HTRA3: variants seen among roughly 807,000 people sequenced by gnomAD.
HTRA3 encodes the protein serine protease HTRA3.
HTRA3 carries 41 observed loss-of-function variants against 43.2 expected under a neutral mutation model. The ratio of observed to expected loss-of-function variants is 0.95; its 90% CI spans 0.74 to 1.23. HTRA3 has a LOEUF of 1.23. Ranked by LOEUF, HTRA3 falls within the 50% of genes most tolerant of loss-of-function variation. HTRA3 has a pLI of 0.00. For missense variants in HTRA3, 628 were observed against 647.1 expected, an observed-to-expected ratio of 0.97 and a Z score of 0.32; for synonymous variants, 295 against 287.9, an observed-to-expected ratio of 1.02 and a Z score of -0.25.
At position 8,306,273 on chromosome 4, in the gene HTRA3, A is replaced by G. The variant is rs115308275; in HGVS notation, c.*137A>G. 3,795 of 962,178 alleles carry G rather than the reference A, an allele frequency of 3.9e-3. 91 individuals carry two copies. In the African/African-American group the frequency reaches 0.057, roughly 14 times the overall value. 59.6% of individuals were successfully genotyped at this position (962,178 alleles called of 1,614,324 possible). On this transcript the variant is annotated 3_prime_UTR_variant, in exon 9 of 9. Transcript: ENST00000307358. This position sits in a 1 kb window ranked among gnomAD's most constrained non-coding sequence, Gnocchi z 8.9. Reference sequence around the variant, plus strand: ...CTCCTGGCTGTCCGGGGCAGAGCGGAGGCTGGGCTTGGCCAGGGGCCCGAA... The same window carrying G: ...CTCCTGGCTGTCCGGGGCAGAGCGGGGGCTGGGCTTGGCCAGGGGCCCGAA...
chr4:8,282,586 AC>A lies in HTRA3; in HGVS notation c.485+53del, dbSNP rs758665867. Reference sequence around the variant, plus strand: ...TCTGCCTCCTGGTGTCCCCTGGTACACCCGCCAGCTGCTGGGGCCCAAACCA... The same window carrying A: ...TCTGCCTCCTGGTGTCCCCTGGTACACCGCCAGCTGCTGGGGCCCAAACCA... On this transcript the variant is annotated intron_variant, in intron 2 of 8. Coordinates refer to ENST00000307358, the MANE Select transcript of HTRA3 (RefSeq NM_053044.5). 9 of 1,395,460 alleles carry A rather than the reference AC, an allele frequency of 6.4e-6. No individual in the cohort carries two copies. The South Asian group carries it at 9.5e-5, about 15-fold the overall frequency. 86.4% of individuals were successfully genotyped at this position (1,395,460 alleles called of 1,614,324 possible).
intron 1 of HTRA3, 67 bp from the exon 2 acceptor site, chr4:8,282,370 C>A: frequency 8.0e-7 from 1 of 1,249,494 alleles, no homozygotes; most frequent in Non-Finnish European, 1.1e-6. Context: ...GCCCACTGGG[C>A]ATAGGCCTCT....
chr4:8,304,187 G>A lies in HTRA3; in HGVS notation c.1104G>A (p.Leu368=), dbSNP rs761139127. 3 of 1,613,722 alleles carry A rather than the reference G, an allele frequency of 1.9e-6. No homozygotes were observed. In the East Asian group the frequency reaches 6.7e-5, roughly 36 times the overall value. ...GIRMRTITPS[L]VDELKASNPD... is the part of the protein sequence containing the mutation. ...CTTGACGGCAGACTCTTTCCAGCCT[G>A]GTGGATGAGCTGAAGGCCAGCAACC... The change falls in exon 8 of 9, where the codon CTG becomes CTA. Residue 368 remains leucine (L), a synonymous_variant. Transcript: ENST00000307358.
chr4:8,293,351 T>C lies in HTRA3; in HGVS notation c.937-736T>C, dbSNP rs1044417620. On this transcript the variant is annotated intron_variant, in intron 5 of 8. Coordinates refer to ENST00000307358, the MANE Select transcript of HTRA3 (RefSeq NM_053044.5). ...GGCCGAGGGTGGACACAGAACTCAATCTACTGGATCTCACACTCGGATGCT... is the reference window on the plus strand; with the variant it reads ...GGCCGAGGGTGGACACAGAACTCAACCTACTGGATCTCACACTCGGATGCT... Among the ~76,000 whole-genome samples, 4 of 152,174 alleles carry C rather than the reference T, an allele frequency of 2.6e-5. No individual in the cohort carries two copies. In the East Asian group the frequency reaches 7.7e-4, roughly 29 times the overall value.
rs145508993 is a variant in HTRA3 at position 8,304,262 on chromosome 4, G to A, written c.1179G>A (p.Pro393=). Residue 393 remains proline, a synonymous_variant, in exon 8 of 9, where the codon CCG becomes CCA. Transcript: ENST00000307358. ...SSGIYVQEVA[P]NSPSQRGGIQ... Reference sequence around the variant, plus strand: ...GAATTTATGTGCAAGAGGTTGCGCCGAATTCACCTTCTCAGAGGTAGGCTC... The same window carrying A: ...GAATTTATGTGCAAGAGGTTGCGCCAAATTCACCTTCTCAGAGGTAGGCTC... 4.3e-6 allele frequency: 7 copies of A among 1,614,014 alleles called. No individual in the cohort carries two copies. The highest frequency in any genetic ancestry group is 2.2e-5 in the East Asian group (1 of 44,886).
At chr4:8,291,242 C>A in intron 3 of HTRA3, 128 bp from the exon 4 acceptor site, 1 of 794,816 alleles carries the variant, frequency 1.3e-6, no homozygotes, top group Non-Finnish European at 2.1e-6. Context: ...TGAGCCTTCA[C>A]AGTCCTGGTG....
In HTRA3 at chr4:8,291,527, C is replaced by G. The variant is rs760837932; in HGVS notation, c.866C>G (p.Ser289Cys). ...REGRELGLRD[S>C]DMDYIQTDAI... ...GGCAGGGAGCTGGGCCTCCGGGACT[C>G]CGACATGGACTACATCCAGACGGAT... Residue 289 changes from serine (S) to cysteine (C), a missense_variant, in exon 4 of 9, where the codon TCC (serine) becomes TGC (cysteine). By Grantham distance (112) the Ser-to-Cys change is moderately radical (BLOSUM62 -1). Coordinates refer to ENST00000307358, the MANE Select transcript of HTRA3 (RefSeq NM_053044.5). 10 of 1,609,890 alleles carry G rather than the reference C, an allele frequency of 6.2e-6. No individual in the cohort carries two copies. The highest frequency in any genetic ancestry group is 1.3e-5 in the African/African-American group (1 of 74,838).
At chr4:8,301,524 A>C (rs1339663058) in intron 6 of HTRA3, among the ~76,000 whole-genome samples, 1 of 152,122 alleles carries the variant, frequency 6.6e-6, no homozygotes, top group Admixed American at 6.5e-5. Flanking sequence ...TTATTAATTC[A>C]CACTCAACTT....
intron 1 of HTRA3, among the ~76,000 whole-genome samples, chr4:8,270,758 C>G (rs1043423419): frequency 5.3e-5 from 8 of 152,170 alleles, no homozygotes; most frequent in African/African-American, 1.9e-4. Flanking sequence ...GTGATGCCTT[C>G]TTTCCTGGAG....
chr4:8,271,161 G>A (rs1578783809), intron 1 of HTRA3, among the ~76,000 whole-genome samples: 1 of 152,150 alleles, frequency 6.6e-6, no homozygotes, highest in Non-Finnish European at 1.5e-5. Context: ...GCTCCGTGGA[G>A]CCTCAGGAGC....
At chr4:8,299,990 C>T (rs950141590) in intron 6 of HTRA3, among the ~76,000 whole-genome samples, 1 of 152,060 alleles carries the variant, frequency 6.6e-6, no homozygotes, top group South Asian at 2.1e-4. Context: ...TAGGTGCCCA[C>T]GATCATGCCC....
intron 8 of HTRA3, 35 bp from the exon 9 acceptor site, chr4:8,305,936 G>A (rs1321579269): frequency 2.5e-6 from 4 of 1,610,540 alleles, no homozygotes; most frequent in Admixed American, 3.3e-5. Context: ...GCCTGGGGAG[G>A]CGGTGGGTGG....
At chr4:8,283,315 C>G (rs1053545154) in intron 2 of HTRA3, among the ~76,000 whole-genome samples, 4 of 152,206 alleles carry the variant, frequency 2.6e-5, no homozygotes, top group Non-Finnish European at 4.4e-5. Flanking sequence ...AGCAAGGCCT[C>G]TCCTTGCAGA....
rs758499193 is a variant in HTRA3, at chr4:8,286,634, A to G, written c.559A>G (p.Ile187Val). The G allele has an allele frequency of 4.3e-6, 7 of 1,614,150 alleles. No homozygotes were observed. The highest frequency in any genetic ancestry group is 2.7e-5 in the African/African-American group (2 of 75,034). ...GFIMSEAGLI[I>V]TNAHVVSSNS... is the part of the protein sequence containing the mutation. ...CATCATGTCAGAGGCCGGCCTGATCATCACCAATGCCCACGTGGTGTCCAG... is the reference window on the plus strand; with the variant it reads ...CATCATGTCAGAGGCCGGCCTGATCGTCACCAATGCCCACGTGGTGTCCAG... Residue 187 changes from isoleucine to valine, a missense_variant, in exon 3 of 9, where the codon ATC (isoleucine) becomes GTC (valine). Ile to Val is a conservative substitution (Grantham distance 29, BLOSUM62 3). Coordinates refer to ENST00000307358, the MANE Select transcript of HTRA3 (RefSeq NM_053044.5). This position sits in a 1 kb window ranked among gnomAD's most constrained non-coding sequence, Gnocchi z 4.9.
intron 2 of HTRA3, 150 bp downstream of exon 2, chr4:8,282,686 G>T: frequency 1.5e-6 from 1 of 650,604 alleles, no homozygotes; most frequent in East Asian, 2.8e-5. Context: ...ACATCTGCTG[G>T]CTGCCTGTGT....
chr4:8,272,409 G>A (rs1323413666), intron 1 of HTRA3, among the ~76,000 whole-genome samples: 2 of 140,118 alleles, frequency 1.4e-5, no homozygotes, highest in Admixed American at 1.4e-4. Flanking sequence ...AGCGTGGGGG[G>A]TCATGGGCTG....
rs779264866 is a variant in HTRA3 at position 8,270,103 on chromosome 4, C to T, written c.135C>T (p.Pro45=). ...CCCGCTGCCCCGGCGGCTACGTGCC[C>T]GACCTCTGCAACTGCTGCCTGGTGT... ...PSPRCPGGYV[P]DLCNCCLVCA... is the part of the protein sequence containing the mutation. The change falls in exon 1 of 9, where the codon CCC becomes CCT. Residue 45 remains proline (P), a synonymous_variant. Transcript: ENST00000307358. The T allele has an allele frequency of 6.5e-7, 1 of 1,540,192 alleles. No individual in the cohort carries two copies. Among genetic ancestry groups the T allele is most frequent in the African/African-American group, 1.4e-5 (1 of 70,248 alleles).
chr4:8,294,699 T>C, intron 6 of HTRA3, among the ~76,000 whole-genome samples: 1 of 132,320 alleles, frequency 7.6e-6, no homozygotes, highest in Non-Finnish European at 1.6e-5. Context: ...CATCCATCCA[T>C]CCATCCATCC....
intron 1 of HTRA3, among the ~76,000 whole-genome samples, chr4:8,277,429 G>A (rs1373971490): frequency 6.6e-6 from 1 of 151,882 alleles, no homozygotes; most frequent in Admixed American, 6.6e-5. Context: ...CAGACGCAGG[G>A]GTGCAGGCCA....
Sources: gnomAD v4.1 joint callset for allele counts (sites outside exome capture counted in the v4.1 genomes callset) on GRCh38, gnomAD v4.1.1 for gene constraint, Gnocchi (gnomAD v3.1) non-coding constraint, MANE v1.5 for transcripts, NCBI Gene and HGNC (gene_info 2026-07-23, HGNC 2026-07-21) for gene names.